Variants in C16orf74 observed in about 807,000 individuals in gnomAD.
The protein encoded by C16orf74 is calcimembrin, also known as uncharacterized protein C16orf74.
Under a neutral mutation model 6.5 loss-of-function variants are expected in C16orf74, and 10 were observed. The observed-to-expected ratio is 1.54, with a 90% CI of 0.95 to 2.61. The LOEUF is 2.61. Among genes scored for constraint, C16orf74 ranks in the 30% most tolerant of loss-of-function variants. The pLI, the probability that C16orf74 is intolerant of heterozygous loss-of-function variation, is 0.00. For synonymous variants in C16orf74, 60 were observed against 42.5 expected (o/e 1.41, Z -1.60); for missense variants, 141 against 105.9 (o/e 1.33, Z -1.45).
At chr16:85,716,107 C>T (rs1249280400) in intron 2 of C16orf74, among the ~76,000 whole-genome samples, 1 of 152,154 alleles carries the variant, frequency 6.6e-6, no homozygotes, top group Non-Finnish European at 1.5e-5. Context: ...TCGGTGAATA[C>T]TCCAAGATTC....
At chr16:85,743,198 A>G (rs755766694) in intron 1 of C16orf74, 12 of 152,200 alleles carry the variant, frequency 7.9e-5, no homozygotes, top group Non-Finnish European at 1.8e-4. Context: ...AATGTCTGAG[A>G]AGGAGGAGTT....
chr16:85,722,881 C>G (rs1207708413), intron 2 of C16orf74, among the ~76,000 whole-genome samples: 2 of 152,182 alleles, frequency 1.3e-5, no homozygotes, highest in African/African-American at 4.8e-5. Context: ...GGACTTGGCT[C>G]CTGAAATGAT....
intron 2 of C16orf74, among the ~76,000 whole-genome samples, chr16:85,724,764 G>A (rs2054116781): frequency 6.6e-6 from 1 of 152,206 alleles, no homozygotes; most frequent in African/African-American, 2.4e-5. Context: ...AAGGCTGAGA[G>A]CACATTCATT....
At chr16:85,738,488 C>CT (rs747912530) in intron 1 of C16orf74, among the ~76,000 whole-genome samples, 65 of 125,702 alleles carry the variant, frequency 5.2e-4, no homozygotes, top group Non-Finnish European at 9.3e-4. Flanking sequence ...TGACACCCAG[C>CT]TAATTTTTTT....
chr16:85,710,130 C>G (rs772762860), intron 3 of C16orf74, 34 bp downstream of exon 3: 1 of 1,378,952 alleles, frequency 7.3e-7, no homozygotes, highest in Non-Finnish European at 9.4e-7. Context: ...CCCCCACAGC[C>G]GACCCGGCTT....
intron 2 of C16orf74, among the ~76,000 whole-genome samples, chr16:85,722,566 G>T (rs907342744): frequency 2.0e-5 from 3 of 152,236 alleles, no homozygotes; most frequent in African/African-American, 4.8e-5. Context: ...GCTCTCCGGG[G>T]AGTCCTGGCT....
chr16:85,716,016 G>C (rs1276018594), intron 2 of C16orf74, among the ~76,000 whole-genome samples: 1 of 145,834 alleles, frequency 6.9e-6, no homozygotes, highest in African/African-American at 2.8e-5. Flanking sequence ...CTGATGATCG[G>C]AGGCCCCCGA....
chr16:85,709,943 G>A (rs1386487024), intron 3 of C16orf74, among the ~76,000 whole-genome samples: 1 of 152,272 alleles, frequency 6.6e-6, no homozygotes, highest in Non-Finnish European at 1.5e-5. Flanking sequence ...GCTGGCAGGG[G>A]CTGTCTACTA....
At chr16:85,715,156 CAAA>C (rs59013269) in intron 2 of C16orf74, among the ~76,000 whole-genome samples, 10 of 125,498 alleles carry the variant, frequency 8.0e-5, no homozygotes, top group Non-Finnish European at 6.8e-5. Flanking sequence ...GACTCCGTCT[CAAA>C]AAAAAAAAAA....
chr16:85,746,753 T>C (rs570132793), intron 1 of C16orf74, among the ~76,000 whole-genome samples: 12 of 152,290 alleles, frequency 7.9e-5, no homozygotes, highest in African/African-American at 2.9e-4. Flanking sequence ...CTGGGCCTGG[T>C]CATGCTGCAA....
intron 2 of C16orf74, among the ~76,000 whole-genome samples, chr16:85,722,880 T>C (rs1598790043): frequency 6.6e-6 from 1 of 152,154 alleles, no homozygotes; most frequent in African/African-American, 2.4e-5. Context: ...AGGACTTGGC[T>C]CCTGAAATGA....
At position 85,729,717 on chromosome 16, in the gene C16orf74, G is replaced by A. The variant is rs560712338; in HGVS notation, c.28+5473C>T. On this transcript the variant is annotated intron_variant, in intron 2 of 3. Transcript: ENST00000284245. ...CCAATGCCTGGTGTCCTTACAAGAGGAGGAGAGGGAGGTTGAATGCAGGGC... is the reference window on the plus strand; with the variant it reads ...CCAATGCCTGGTGTCCTTACAAGAGAAGGAGAGGGAGGTTGAATGCAGGGC... 2.0e-5 allele frequency among the ~76,000 whole-genome samples: 3 copies of A among 152,302 alleles called. No individual in the cohort carries two copies. In the Middle Eastern group the frequency reaches 0.01, roughly 518 times the overall value.
chr16:85,750,465 G>T (rs967427887), intron 1 of C16orf74, among the ~76,000 whole-genome samples: 1 of 152,232 alleles, frequency 6.6e-6, no homozygotes, highest in Non-Finnish European at 1.5e-5. Flanking sequence ...GCGCAGGGGG[G>T]CCCCTAAGTG....
rs374526111 is a variant in C16orf74 at position 85,745,851 on chromosome 16, C to T, written c.-19+5075G>A. ...GGACCCTGCTTTTCAAAGTGGGCTCCAACGTTTGCCGATTCCCTTCAGTTA... is the reference window on the plus strand; with the variant it reads ...GGACCCTGCTTTTCAAAGTGGGCTCTAACGTTTGCCGATTCCCTTCAGTTA... On this transcript the variant is annotated intron_variant, in intron 1 of 3. Coordinates refer to ENST00000284245, the MANE Select transcript of C16orf74 (RefSeq NM_206967.3). Among the ~76,000 whole-genome samples, 28 of 152,308 alleles carry T rather than the reference C, an allele frequency of 1.8e-4. No homozygotes were observed. In the East Asian group the frequency reaches 4.6e-3, roughly 25 times the overall value.
At chr16:85,743,198 AAGG>A (rs1296363676) in intron 1 of C16orf74, 2 of 152,200 alleles carry the variant, frequency 1.3e-5, no homozygotes, top group African/African-American at 4.8e-5. Context: ...AATGTCTGAG[AAGG>A]AGGAGTTACA....
chr16:85,719,902 C>CACAAA (rs2054063697), intron 2 of C16orf74, among the ~76,000 whole-genome samples: 1 of 151,186 alleles, frequency 6.6e-6, no homozygotes, highest in Admixed American at 6.6e-5. Flanking sequence ...CCACAGCACA[C>CACAAA]GCAAAGGCCC....
intron 1 of C16orf74, among the ~76,000 whole-genome samples, chr16:85,739,160 G>C (rs2054276367): frequency 2.3e-4 from 1 of 4,278 alleles, no homozygotes; most frequent in Non-Finnish European, 5.2e-3. Context: ...CTGACGTCAG[G>C]ATCAACCACA....
chr16:85,746,359 AC>A (rs372131928), intron 1 of C16orf74, among the ~76,000 whole-genome samples: 98 of 152,282 alleles, frequency 6.4e-4, no homozygotes, highest in African/African-American at 2.2e-3. Context: ...AAACAAACAA[AC>A]AAAAACAACA....
chr16:85,718,219 AC>A (rs2054044538), intron 2 of C16orf74, among the ~76,000 whole-genome samples: 1 of 151,638 alleles, frequency 6.6e-6, no homozygotes, highest in Admixed American at 6.6e-5. Context: ...AACTACAGGC[AC>A]TCTCCACCAC....
Sources: allele counts gnomAD v4.1 joint callset (sites outside exome capture counted in the v4.1 genomes callset), GRCh38; gene constraint gnomAD v4.1.1; transcripts MANE v1.5; gene names NCBI Gene and HGNC (gene_info 2026-07-23, HGNC 2026-07-21).